Variants in MYO3A observed in about 807,000 individuals in gnomAD.
The protein encoded by MYO3A is myosin-IIIa.
Under a neutral mutation model 192.7 loss-of-function variants are expected in MYO3A, and 180 were observed. The ratio of observed to expected loss-of-function variants is 0.93; its 90% CI spans 0.83 to 1.06. The LOEUF (loss-of-function observed/expected upper bound fraction) is 1.06, where lower values mean the gene tolerates loss of function less well. Ranked by LOEUF, MYO3A falls within the 50% of genes least tolerant of loss-of-function variation. The probability of loss-of-function intolerance (pLI) is 0.00; values close to 1 mark genes in which losing one functional copy is unlikely to be tolerated. For missense variants in MYO3A, 1,896 were observed against 1,905.0 expected (o/e 1.00, Z 0.09); for synonymous variants, 628 against 645.3 (o/e 0.97, Z 0.41).
At chr10:26,105,323 A>G (rs1837729812) in intron 17 of MYO3A, among the ~76,000 whole-genome samples, 1 of 152,164 alleles carries the variant, frequency 6.6e-6, no homozygotes, top group South Asian at 2.1e-4. Flanking sequence ...TCACATTTCC[A>G]CCAACAATAC....
intron 3 of MYO3A, among the ~76,000 whole-genome samples, chr10:25,953,602 GCCCAAT>G (rs1564400275): frequency 2.0e-5 from 3 of 152,164 alleles, no homozygotes; most frequent in African/African-American, 7.2e-5. Context: ...AAGAAATTCA[GCCCAAT>G]CCCATTGTCT....
intron 4 of MYO3A, among the ~76,000 whole-genome samples, chr10:25,970,881 G>A (rs578146665): frequency 4.9e-4 from 75 of 151,920 alleles, no homozygotes; most frequent in African/African-American, 1.7e-3. Flanking sequence ...AGAAGAAATA[G>A]AAAATGCAAA....
intron 3 of MYO3A, among the ~76,000 whole-genome samples, chr10:25,952,994 C>G (rs1837304784): frequency 6.6e-6 from 1 of 151,356 alleles, no homozygotes; most frequent in African/African-American, 2.4e-5. Flanking sequence ...CTGGCAGTTT[C>G]AGAATATCTT....
chr10:26,042,655 T>C (rs192740645), intron 10 of MYO3A, among the ~76,000 whole-genome samples: 169 of 152,350 alleles, frequency 1.1e-3, no homozygotes, highest in African/African-American at 3.9e-3. Context: ...TGTTTGATTA[T>C]GTTTAATTAT....
At chr10:26,049,561 G>T (rs1271830290) in intron 10 of MYO3A, among the ~76,000 whole-genome samples, 2 of 152,028 alleles carry the variant, frequency 1.3e-5, no homozygotes, top group East Asian at 3.9e-4. Flanking sequence ...AACAGCAAGT[G>T]CACAGCAGAA....
chr10:25,981,078 A>G (rs1488473044), intron 4 of MYO3A, among the ~76,000 whole-genome samples: 1 of 152,122 alleles, frequency 6.6e-6, no homozygotes, highest in African/African-American at 2.4e-5. Flanking sequence ...AGAGTGTTAT[A>G]TAATTGGAAT....
intron 4 of MYO3A, among the ~76,000 whole-genome samples, chr10:25,961,378 T>A (rs1252926379): frequency 2.0e-5 from 3 of 152,172 alleles, no homozygotes; most frequent in Non-Finnish European, 1.5e-5. Context: ...TGATATTAGT[T>A]AAATGTTTTT....
chr10:26,173,802 G>A lies in MYO3A; in HGVS notation c.3538G>A (p.Glu1180Lys), dbSNP rs184043065. ...KPEEETTNAV[E>K]SNNRVYQTPK... ...TGAAGAGGAAACCACCAATGCTGTG[G>A]AGAGTAACAACAGAGTGTATCAGAC... The change falls in exon 30 of 35, where the codon GAG (glutamate) becomes AAG (lysine). Residue 1180 changes from glutamate to lysine, a missense_variant. Transcript: ENST00000642920. 9.8e-4 allele frequency: 1,584 copies of A among 1,614,116 alleles called. 2 individuals carry two copies. The highest frequency in any genetic ancestry group is 1.2e-3 in the Non-Finnish European group (1,409 of 1,180,012).
chr10:26,199,334 C>A (rs1181245020), intron 32 of MYO3A, among the ~76,000 whole-genome samples: 3 of 152,174 alleles, frequency 2.0e-5, no homozygotes, highest in African/African-American at 7.2e-5. Context: ...GGGTGGATTG[C>A]TTGAGCTTAA....
At chr10:26,006,071 ACTG>A (rs1841181702) in intron 6 of MYO3A, among the ~76,000 whole-genome samples, 1 of 152,174 alleles carries the variant, frequency 6.6e-6, no homozygotes, top group Non-Finnish European at 1.5e-5. Context: ...CATTATAGAA[ACTG>A]CTGTAGGTTT....
intron 4 of MYO3A, among the ~76,000 whole-genome samples, chr10:25,977,976 T>A (rs979139545): frequency 7.9e-5 from 12 of 152,168 alleles, no homozygotes; most frequent in Non-Finnish European, 1.6e-4. Flanking sequence ...GTTTTTTTGT[T>A]ATTTACTCCC....
Position 26,174,400 on chromosome 10 carries a change from T to C in MYO3A, c.4136T>C (p.Ile1379Thr). ...ATGTCTTCTTTTAAGCATCAGAGGA[T>C]TGTCACAACACCAACAGAAGTAGCA... ...DKMSSFKHQRIVTTPTEVARN... is the reference protein window; with the variant it reads ...DKMSSFKHQRTVTTPTEVARN... The change falls in exon 30 of 35, where the codon ATT becomes ACT. Residue 1379 changes from isoleucine (I) to threonine (T), a missense_variant. By Grantham distance (89) the Ile-to-Thr change is moderately conservative (BLOSUM62 -1). Transcript: ENST00000642920. 1 of 1,614,154 alleles carries C rather than the reference T, an allele frequency of 6.2e-7. No individual in the cohort carries two copies. Among genetic ancestry groups the C allele is most frequent in the South Asian group, 1.1e-5 (1 of 91,080 alleles).
intron 17 of MYO3A, among the ~76,000 whole-genome samples, chr10:26,105,270 G>T (rs949842921): frequency 1.3e-5 from 2 of 152,018 alleles, no homozygotes; most frequent in South Asian, 2.1e-4. Context: ...TTTTAAATTT[G>T]AATAGAACTT....
At chr10:26,108,153 A>T (rs1307453231) in intron 17 of MYO3A, among the ~76,000 whole-genome samples, 1 of 152,188 alleles carries the variant, frequency 6.6e-6, no homozygotes, top group Non-Finnish European at 1.5e-5. Flanking sequence ...GTAACAGTTT[A>T]TTGTTTGCTA....
rs1200983356 is a variant in MYO3A at position 25,962,208 on chromosome 10, T to C, written c.303+7200T>C. On this transcript the variant is annotated intron_variant, in intron 4 of 34. Coordinates refer to ENST00000642920, the MANE Select transcript of MYO3A (RefSeq NM_017433.5). ...CTCTAGTTACAATTTTAAAATTATT[T>C]CTTTTGCTTTCTGATATGATTTTTC... 2.6e-5 allele frequency among the ~76,000 whole-genome samples: 4 copies of C among 152,170 alleles called. 1 individual carries two copies. The South Asian group carries it at 8.3e-4, about 32-fold the overall frequency.
At chr10:25,986,693 G>T (rs115544321) in intron 4 of MYO3A, among the ~76,000 whole-genome samples, 1 of 151,960 alleles carries the variant, frequency 6.6e-6, no homozygotes, top group African/African-American at 2.4e-5. Flanking sequence ...CTACAAAACC[G>T]TGCTGAAAGA....
intron 5 of MYO3A, among the ~76,000 whole-genome samples, chr10:25,996,900 T>G (rs1193299174): frequency 6.6e-6 from 1 of 152,180 alleles, no homozygotes; most frequent in African/African-American, 2.4e-5. Flanking sequence ...ATATGAAATA[T>G]TTTCTTCCAT....
At chr10:26,090,807 C>T (rs1165638721) in intron 15 of MYO3A, among the ~76,000 whole-genome samples, 1 of 152,190 alleles carries the variant, frequency 6.6e-6, no homozygotes, top group African/African-American at 2.4e-5. Context: ...ATCACATGGG[C>T]ATTGAAGAGC....
At position 26,174,514 on chromosome 10, in the gene MYO3A, C is replaced by A. The variant is rs34151474; in HGVS notation, c.4250C>A (p.Thr1417Asn). The A allele has an allele frequency of 1.2e-6, 2 of 1,613,904 alleles. No individual in the cohort carries two copies. The highest frequency in any genetic ancestry group is 8.5e-7 in the Non-Finnish European group (1 of 1,179,990). Residue 1417 changes from threonine (T) to asparagine (N), a missense_variant, in exon 30 of 35, where the codon ACT (threonine) becomes AAT (asparagine). Transcript: ENST00000642920. Reference sequence around the variant, plus strand: ...AAGGATAACAAAGACTCGAAAGCAACTTCAGAAAGAGAAGCATGTGGTTTG... The same window carrying A: ...AAGGATAACAAAGACTCGAAAGCAAATTCAGAAAGAGAAGCATGTGGTTTG... ...KKKDNKDSKATSEREACGLAI... is the reference protein window; with the variant it reads ...KKKDNKDSKANSEREACGLAI...
Sources: allele counts gnomAD v4.1 joint callset (sites outside exome capture counted in the v4.1 genomes callset), GRCh38; gene constraint gnomAD v4.1.1; transcripts MANE v1.5; gene names NCBI Gene and HGNC (gene_info 2026-07-23, HGNC 2026-07-21).